Variants in ADGRB1 observed in about 807,000 individuals in gnomAD.
ADGRB1 encodes adhesion G protein-coupled receptor B1.
In ADGRB1, 36 loss-of-function variants were observed where a neutral mutation model predicts 175.7. That is an observed-to-expected ratio of 0.20 (90% CI 0.16 to 0.27). The LOEUF is 0.27. ADGRB1 is among the 10% of genes least tolerant of loss of function. The probability of loss-of-function intolerance (pLI) is 1.00; values close to 1 mark genes in which losing one functional copy is unlikely to be tolerated. For missense variants in ADGRB1, 1,731 were observed against 2,255.3 expected, an observed-to-expected ratio of 0.77 and a Z score of 4.71; for synonymous variants, 1,054 against 979.4, an observed-to-expected ratio of 1.08 and a Z score of -1.42.
chr8:142,475,347 C>A (rs1840895568), intron 2 of ADGRB1, 127 bp from the exon 3 acceptor site: 2 of 995,158 alleles, frequency 2.0e-6, no homozygotes, highest in Non-Finnish European at 2.6e-6. Context: ...CCAGGCCAGG[C>A]CTTCCCCGGC....
intron 25 of ADGRB1, among the ~76,000 whole-genome samples, chr8:142,536,010 G>C (rs1844902424): frequency 6.6e-6 from 1 of 152,154 alleles, no homozygotes; most frequent in Non-Finnish European, 1.5e-5. Flanking sequence ...TGCCTGATGA[G>C]AGGGGTGGGC....
Position 142,532,350 on chromosome 8 carries a change from G to A in ADGRB1, c.3399-945G>A, listed in dbSNP as rs1269620181. ...TGAGCAGGAGAGCACAGGCTCAGAG[G>A]CCACGCGCGGAACCCAGTGGGTGGA... On this transcript the variant is annotated intron_variant, in intron 24 of 30. Transcript: ENST00000517894. Among the ~76,000 whole-genome samples, 3 of 152,220 alleles carry A rather than the reference G, an allele frequency of 2.0e-5. No individual in the cohort carries two copies. In the East Asian group the frequency reaches 5.8e-4, roughly 29 times the overall value.
In ADGRB1 at chr8:142,504,838, T is replaced by C. The variant is rs1400358034; in HGVS notation, c.2676-6094T>C. 2.6e-5 allele frequency among the ~76,000 whole-genome samples: 4 copies of C among 151,968 alleles called. No individual in the cohort carries two copies. The highest frequency in any genetic ancestry group is 1.5e-5 in the Non-Finnish European group (1 of 67,982). ...GAAGCCTCTGCCTGCAGAGACACCA[T>C]TTCCACTCCCTGCCTAGCGCCTGAA... On this transcript the variant is annotated intron_variant, in intron 17 of 30. Transcript: ENST00000517894. This position sits in a 1 kb window ranked among gnomAD's most constrained non-coding sequence, Gnocchi z 5.6.
At position 142,540,430 on chromosome 8, in the gene ADGRB1, C is replaced by T. The variant is rs116827714; in HGVS notation, c.3706+1017C>T. 3.8e-3 allele frequency among the ~76,000 whole-genome samples: 571 copies of T among 152,182 alleles called. 4 individuals carry two copies. Among genetic ancestry groups the T allele is most frequent in the African/African-American group, 0.013 (544 of 41,520 alleles). ...TGGGCCTCTCTGAGCCCCTGATTCC[C>T]TCTCATTCATGCGCTGGCTACAGCG... On this transcript the variant is annotated intron_variant, in intron 27 of 30. Transcript: ENST00000517894.
In ADGRB1 at chr8:142,544,568, C is replaced by T. The variant is rs1300464057; in HGVS notation, c.*151C>T. 8.5e-6 allele frequency: 8 copies of T among 936,582 alleles called. No individual in the cohort carries two copies. Among genetic ancestry groups the T allele is most frequent in the Non-Finnish European group, 7.3e-6 (5 of 682,646 alleles). The allele number at this position is 936,582 out of a possible 1,614,324, so 58.0% of individuals were successfully genotyped here. A position where few individuals can be genotyped will look rare whatever the true frequency, so the allele number is the denominator to read the frequency against. ...TCAGACGGCGGCCAGGCACAGGGCC[C>T]GCAGTGCTGGGACCAGAGCCAGATG... On this transcript the variant is annotated 3_prime_UTR_variant, in exon 31 of 31. Transcript: ENST00000517894.
At chr8:142,538,254 C>T (rs73714317) in intron 26 of ADGRB1, among the ~76,000 whole-genome samples, 5,574 of 152,318 alleles carry the variant, frequency 0.037, 325 homozygotes, top group African/African-American at 0.13. Context: ...CCCTGGGTCC[C>T]GGGGTGCCCA....
chr8:142,498,978 G>C (rs942864252), intron 17 of ADGRB1, among the ~76,000 whole-genome samples: 57 of 152,312 alleles, frequency 3.7e-4, no homozygotes, highest in African/African-American at 1.3e-3. Flanking sequence ...TTGGGAGCTT[G>C]GCTGTGGCTC....
rs1025793738 is a variant in ADGRB1 at position 142,510,206 on chromosome 8, GCGTGCT to G, written c.2676-724_2676-719del. Among the ~76,000 whole-genome samples the G allele has an allele frequency of 6.6e-6, 1 of 152,170 alleles. No homozygotes were observed. Among genetic ancestry groups the G allele is most frequent in the Admixed American group, 6.5e-5 (1 of 15,286 alleles). Reference sequence around the variant, plus strand: ...CAAGTAACAAGTCCTGTGCTTAAATGCGTGCTCAGATGAAAAGCGGGGCAGTCGCGG... The same window carrying G: ...CAAGTAACAAGTCCTGTGCTTAAATGCAGATGAAAAGCGGGGCAGTCGCGG... On this transcript the variant is annotated intron_variant, in intron 17 of 30. Transcript: ENST00000517894. This position sits in a 1 kb window ranked among gnomAD's most constrained non-coding sequence, Gnocchi z 6.3.
chr8:142,533,596 T>A, intron 25 of ADGRB1, 130 bp downstream of exon 25: 1 of 1,103,620 alleles, frequency 9.1e-7, no homozygotes, highest in Non-Finnish European at 1.2e-6. Flanking sequence ...CTGACACATC[T>A]GCAGGCCTCG....
chr8:142,486,272 T>C (rs1039118280), intron 13 of ADGRB1, among the ~76,000 whole-genome samples: 3 of 152,200 alleles, frequency 2.0e-5, no homozygotes, highest in African/African-American at 7.2e-5. Context: ...CGCATCTGTT[T>C]ATGCAAACCA....
At chr8:142,524,652 G>A (rs1587411238) in intron 23 of ADGRB1, among the ~76,000 whole-genome samples, 3 of 152,320 alleles carry the variant, frequency 2.0e-5, no homozygotes, top group African/African-American at 4.8e-5. Context: ...GCAGCGGGGA[G>A]CTGCAGGCTG....
chr8:142,469,662 C>T (rs904150573), intron 2 of ADGRB1, among the ~76,000 whole-genome samples: 16 of 131,760 alleles, frequency 1.2e-4, no homozygotes, highest in African/African-American at 4.4e-4. Context: ...AACGCAAGTG[C>T]GTGTGTGTGC....
rs1228101157 is a variant in ADGRB1, at chr8:142,543,725, G to A, written c.4557+17G>A. 25 of 1,538,624 alleles carry A rather than the reference G, an allele frequency of 1.6e-5. No individual in the cohort carries two copies. Among genetic ancestry groups the A allele is most frequent in the South Asian group, 4.8e-5 (4 of 83,896 alleles). ...GACAGCAAGGTCTGGAGGGCAGGGA[G>A]GGGCGGGGTGGGGAGAGCCCTTAGG... On this transcript the variant is annotated intron_variant, in intron 30 of 30. Transcript: ENST00000517894. The surrounding 1 kb of genome is among the most constrained non-coding windows in gnomAD (Gnocchi z 4.4).
At chr8:142,528,031 G>A (rs919194059) in intron 24 of ADGRB1, among the ~76,000 whole-genome samples, 28 of 152,174 alleles carry the variant, frequency 1.8e-4, no homozygotes, top group African/African-American at 6.3e-4. Context: ...ACCCAGACTC[G>A]CCTGTGTGGC....
At chr8:142,453,889 G>A (rs1839505787) in intron 1 of ADGRB1, among the ~76,000 whole-genome samples, 1 of 152,200 alleles carries the variant, frequency 6.6e-6, no homozygotes, top group Non-Finnish European at 1.5e-5. Flanking sequence ...AGAGGTCCGG[G>A]CAGAAGGAAG....
rs7462471 is a variant in ADGRB1, at chr8:142,521,957, C to T, written c.3025-8C>T. The T allele has an allele frequency of 0.72, 1,138,964 of 1,581,402 alleles. 418,808 individuals are homozygous for T. Among genetic ancestry groups the T allele is most frequent in the Middle Eastern group, 0.77 (3,870 of 4,998 alleles). On this transcript the variant is annotated splice_region_variant and splice_polypyrimidine_tract_variant and intron_variant, in intron 20 of 30. Transcript: ENST00000517894. The stretch of plus-strand genomic sequence containing the variant: ...TGCCCAGCCTGCCCCGCCCTGGGCC[C>T]CACACAGGTGGTGTGCACGCTGGTG...
chr8:142,540,725 C>A (rs1845220806), intron 27 of ADGRB1, among the ~76,000 whole-genome samples: 1 of 151,682 alleles, frequency 6.6e-6, no homozygotes, highest in African/African-American at 2.4e-5. Context: ...GTGGGGCGGC[C>A]TTGGGGACGT....
At chr8:142,539,526 C>T (rs1845139817) in intron 27 of ADGRB1, 113 bp downstream of exon 27, 1 of 1,311,202 alleles carries the variant, frequency 7.6e-7, no homozygotes, top group Non-Finnish European at 1.1e-6. Flanking sequence ...CTCCTGCTGC[C>T]CCCACCCACA....
Position 142,477,110 on chromosome 8 carries a change from G to A in ADGRB1, c.1058-4G>A. On this transcript the variant is annotated splice_region_variant and splice_polypyrimidine_tract_variant and intron_variant, in intron 4 of 30. Transcript: ENST00000517894. ...GGCCTGTGACGCTGTAGTGGGGCCT[G>A]CAGGTGACCCAGCAGCCGAGGAGTG... The A allele has an allele frequency of 1.3e-6, 2 of 1,560,696 alleles. No individual in the cohort carries two copies. The highest frequency in any genetic ancestry group is 2.3e-5 in the East Asian group (1 of 43,788).
Sources: allele counts gnomAD v4.1 joint callset (sites outside exome capture counted in the v4.1 genomes callset), GRCh38; gene constraint gnomAD v4.1.1; non-coding constraint Gnocchi (gnomAD v3.1); transcripts MANE v1.5; gene names NCBI Gene and HGNC (gene_info 2026-07-23, HGNC 2026-07-21).